The following ERBB2 variants were observed in gnomAD, a reference collection of about 807,000 sequenced individuals.
The protein encoded by ERBB2 is erb-b2 receptor tyrosine kinase 2, also known as receptor tyrosine-protein kinase erbB-2.
In ERBB2, 61 loss-of-function variants were observed where a neutral mutation model predicts 149.0. The observed-to-expected ratio is 0.41, with a 90% CI of 0.33 to 0.51. The LOEUF (loss-of-function observed/expected upper bound fraction) is 0.51. Among genes scored for constraint, ERBB2 ranks in the 20% least tolerant of loss-of-function variants. The probability of loss-of-function intolerance (pLI) is 0.25; values close to 1 mark genes in which losing one functional copy is unlikely to be tolerated. For synonymous variants in ERBB2, 633 were observed against 678.8 expected, an observed-to-expected ratio of 0.93 and a Z score of 1.05; for missense variants, 1,205 against 1,655.1, an observed-to-expected ratio of 0.73 and a Z score of 4.72.
chr17:39,711,978 C>T lies in ERBB2; in HGVS notation c.952C>T (p.His318Tyr), dbSNP rs762547363. The T allele has an allele frequency of 6.2e-7, 1 of 1,614,174 alleles. No homozygotes were observed. Among genetic ancestry groups the T allele is most frequent in the East Asian group, 2.2e-5 (1 of 44,886 alleles). The change falls in exon 8 of 27, where the codon CAC (histidine) becomes TAC (tyrosine). Residue 318 changes from histidine to tyrosine, a missense_variant. By Grantham distance (83) the His-to-Tyr change is moderately conservative (BLOSUM62 2). This residue lies in a region of ERBB2 where 569 missense variants were observed against 803.5 expected (regional missense o/e 0.71). Coordinates refer to ENST00000269571, the MANE Select transcript of ERBB2 (RefSeq NM_004448.4). Reference protein sequence around the residue: ...VGSCTLVCPLHNQEVTAEDGT... With the variant: ...VGSCTLVCPLYNQEVTAEDGT... Reference sequence around the variant, plus strand: ...ATCCTGCACCCTCGTCTGCCCCCTGCACAACCAAGAGGTGACAGCAGAGGA... The same window carrying T: ...ATCCTGCACCCTCGTCTGCCCCCTGTACAACCAAGAGGTGACAGCAGAGGA...
intron 19 of ERBB2, 79 bp downstream of exon 19, chr17:39,724,089 T>C (rs576461577): frequency 2.2e-5 from 22 of 985,042 alleles, no homozygotes; most frequent in East Asian, 1.5e-4. Flanking sequence ...TCTCTCTTCA[T>C]TGGGGTTTGG....
chr17:39,720,180 G>A lies in ERBB2; in HGVS notation c.1946+346G>A, dbSNP rs141828324. The A allele has an allele frequency of 4.8e-4, 122 of 255,382 alleles. 1 individual carries two copies. In the East Asian group the frequency reaches 9.7e-3, roughly 20 times the overall value. 15.8% of individuals were successfully genotyped at this position (255,382 alleles called of 1,614,324 possible). On this transcript the variant is annotated intron_variant, in intron 16 of 26. Transcript: ENST00000269571. ...TGAGGGAGTGATGAATTCTTAACTG[G>A]GGATGGTGGGAGGCTTCGAGTGGGA...
intron 7 of ERBB2, 120 bp from the exon 8 acceptor site, chr17:39,711,808 C>CTCG: frequency 2.6e-6 from 3 of 1,168,406 alleles, no homozygotes; most frequent in Admixed American, 1.8e-5. Flanking sequence ...GGTGCTGATG[C>CTCG]GTGGTAGGGC....
chr17:39,719,697 C>A, intron 15 of ERBB2, 90 bp from the exon 16 acceptor site: 1 of 1,338,532 alleles, frequency 7.5e-7, no homozygotes, highest in Non-Finnish European at 1.1e-6. Flanking sequence ...ATGACCCAGC[C>A]ACACCCCTCC....
At chr17:39,705,306 GCTT>G (rs145431460) in intron 1 of ERBB2, among the ~76,000 whole-genome samples, 3,927 of 152,276 alleles carry the variant, frequency 0.026, 182 homozygotes, top group African/African-American at 0.091. Context: ...GAGACCCTGG[GCTT>G]GGGCCAGGGC....
chr17:39,728,177 C>A lies in ERBB2; in HGVS notation c.*133C>A. On this transcript the variant is annotated 3_prime_UTR_variant, in exon 27 of 27. Coordinates refer to ENST00000269571, the MANE Select transcript of ERBB2 (RefSeq NM_004448.4). ...GAACCTGCCATGCCAGGAACCTGTCCTAAGGAACCTTCCTTCCTGCTTGAG... is the reference window on the plus strand; with the variant it reads ...GAACCTGCCATGCCAGGAACCTGTCATAAGGAACCTTCCTTCCTGCTTGAG... 1.6e-6 allele frequency: 1 copy of A among 632,712 alleles called. No homozygotes were observed. The highest frequency in any genetic ancestry group is 2.7e-6 in the Non-Finnish European group (1 of 373,536). The allele number at this position is 632,712 out of a possible 1,614,324, so 39.2% of individuals were successfully genotyped here.
chr17:39,704,225 G>A (rs538334733), intron 1 of ERBB2, among the ~76,000 whole-genome samples: 2 of 152,284 alleles, frequency 1.3e-5, no homozygotes, highest in Non-Finnish European at 2.9e-5. Flanking sequence ...GGGTTCCTGA[G>A]GGGCAGGGTC....
chr17:39,697,590 A>T (rs2057896797), upstream of ERBB2, among the ~76,000 whole-genome samples: 3 of 152,030 alleles, frequency 2.0e-5, no homozygotes, highest in South Asian at 6.2e-4. Context: ...TCCCGACCTC[A>T]GGTGATCCAC....
In ERBB2 at chr17:39,709,365, T is replaced by A. The variant is rs2058658003; in HGVS notation, c.487T>A (p.Tyr163Asn). Residue 163 changes from tyrosine (Y) to asparagine (N), a missense_variant, in exon 4 of 27, where the codon TAC becomes AAC. By Grantham distance (143) the Tyr-to-Asn change is moderately radical (BLOSUM62 -2). Transcript: ENST00000269571. ...GATCCAGCGGAACCCCCAGCTCTGC[T>A]ACCAGGACACGATTTTGTGGAAGGA... is the stretch of plus-strand genomic sequence containing the variant. ...VLIQRNPQLCYQDTILWKDIF... is the reference protein window; with the variant it reads ...VLIQRNPQLCNQDTILWKDIF... The A allele has an allele frequency of 6.2e-7, 1 of 1,613,950 alleles. No individual in the cohort carries two copies. The highest frequency in any genetic ancestry group is 8.5e-7 in the Non-Finnish European group (1 of 1,179,992).
upstream of ERBB2, among the ~76,000 whole-genome samples, chr17:39,698,213 T>A (rs994970188): frequency 6.6e-6 from 1 of 151,986 alleles, no homozygotes; most frequent in African/African-American, 2.4e-5. Flanking sequence ...CCAGAGATGC[T>A]CAGTCACTTG....
rs764747320 is a variant in ERBB2 at position 39,710,390 on chromosome 17, C to T, written c.810C>T (p.Ala270=). 1 of 1,614,194 alleles carries T rather than the reference C, an allele frequency of 6.2e-7. No individual in the cohort carries two copies. The highest frequency in any genetic ancestry group is 1.1e-5 in the South Asian group (1 of 91,086). The change falls in exon 7 of 27, where the codon GCC becomes GCT. Residue 270 remains alanine, a synonymous_variant. Transcript: ENST00000269571. The part of the protein sequence containing the change: ...HSGICELHCP[A]LVTYNTDTFE... ...GCATCTGTGAGCTGCACTGCCCAGCCCTGGTCACCTACAACACAGACACGT... is the reference window on the plus strand; with the variant it reads ...GCATCTGTGAGCTGCACTGCCCAGCTCTGGTCACCTACAACACAGACACGT...
At chr17:39,703,579 TA>T (rs1468342766) in intron 1 of ERBB2, among the ~76,000 whole-genome samples, 2 of 152,162 alleles carry the variant, frequency 1.3e-5, no homozygotes, top group African/African-American at 4.8e-5. Context: ...TCTGAGGGAG[TA>T]AGAGCTGTTA....
intron 16 of ERBB2, among the ~76,000 whole-genome samples, chr17:39,722,142 T>A (rs1048732636): frequency 6.6e-6 from 1 of 152,068 alleles, no homozygotes; most frequent in Non-Finnish European, 1.5e-5. Flanking sequence ...GGTCTCGAAC[T>A]CGAGAGCTCA....
upstream of ERBB2, among the ~76,000 whole-genome samples, chr17:39,694,301 G>GTGTA (rs1555612051): frequency 5.4e-5 from 2 of 37,076 alleles, no homozygotes; most frequent in Non-Finnish European, 1.2e-4. Flanking sequence ...ACATATATAT[G>GTGTA]TGTATATATA....
chr17:39,719,121 C>T (rs1216101289), intron 15 of ERBB2, among the ~76,000 whole-genome samples: 2 of 152,026 alleles, frequency 1.3e-5, no homozygotes, highest in Admixed American at 6.5e-5. Context: ...ATTAGCCAGG[C>T]GTGGTGGTGG....
At chr17:39,710,888 A>G (rs142766150) in intron 7 of ERBB2, among the ~76,000 whole-genome samples, 117 of 152,328 alleles carry the variant, frequency 7.7e-4, no homozygotes, top group African/African-American at 2.7e-3. Flanking sequence ...CTTTTATTCT[A>G]TAGCCTGGTG....
At chr17:39,699,929 C>T, upstream of ERBB2, 1 of 1,029,142 alleles carries the variant, frequency 9.7e-7, no homozygotes, top group South Asian at 3.4e-5. Flanking sequence ...TGGGAGTTGC[C>T]ACTCCCAGAC....
intron 2 of ERBB2, 195 bp downstream of exon 2, chr17:39,707,336 G>A: frequency 4.1e-6 from 2 of 483,146 alleles, no homozygotes; most frequent in South Asian, 7.9e-5. Flanking sequence ...CTATAACGTG[G>A]CTGGCCGAGG....
At chr17:39,689,348 C>T (rs2057639817) in intron 2 of ERBB2, among the ~76,000 whole-genome samples, 1 of 152,200 alleles carries the variant, frequency 6.6e-6, no homozygotes, top group Non-Finnish European at 1.5e-5. Context: ...GAGTTGACCA[C>T]CCAACTGATA....
Sources: allele counts gnomAD v4.1 joint callset (sites outside exome capture counted in the v4.1 genomes callset), GRCh38; gene constraint gnomAD v4.1.1; regional missense constraint gnomAD v4.1.1; transcripts MANE v1.5; gene names NCBI Gene and HGNC (gene_info 2026-07-23, HGNC 2026-07-21).